SLX4IP: variants seen among roughly 807,000 people sequenced by gnomAD.
SLX4IP encodes protein SLX4IP.
SLX4IP carries 34 observed loss-of-function variants against 32.9 expected under a neutral mutation model. That is an observed-to-expected ratio of 1.03 (90% CI 0.79 to 1.38). The LOEUF is 1.38. Among genes scored for constraint, SLX4IP ranks in the 40% most tolerant of loss-of-function variants. The pLI is 0.00. For missense variants in SLX4IP, 444 were observed against 479.0 expected (o/e 0.93, Z 0.68); for synonymous variants, 172 against 171.7 (o/e 1.00, Z -0.01).
At chr20:10,501,230 G>A (rs545128192) in intron 2 of SLX4IP, among the ~76,000 whole-genome samples, 1 of 152,240 alleles carries the variant, frequency 6.6e-6, no homozygotes, top group East Asian at 1.9e-4. Context: ...GGTGGAGGGA[G>A]TAATAATGAC....
chr20:10,620,923 C>A (rs2067103215), intron 6 of SLX4IP, among the ~76,000 whole-genome samples: 1 of 152,014 alleles, frequency 6.6e-6, no homozygotes, highest in Non-Finnish European at 1.5e-5. Flanking sequence ...GGGTGTAGAC[C>A]ACTGTGTCAC....
intron 2 of SLX4IP, among the ~76,000 whole-genome samples, chr20:10,551,146 C>T (rs1458436499): frequency 1.3e-5 from 2 of 152,280 alleles, no homozygotes; most frequent in East Asian, 3.9e-4. Flanking sequence ...CTCCCACCTC[C>T]GAGGACTTGG....
chr20:10,554,687 G>A (rs1181635461), intron 2 of SLX4IP, among the ~76,000 whole-genome samples: 1 of 152,024 alleles, frequency 6.6e-6, no homozygotes, highest in Non-Finnish European at 1.5e-5. Context: ...TTTGCCTGAT[G>A]ACTAATGATA....
intron 5 of SLX4IP, among the ~76,000 whole-genome samples, chr20:10,601,504 C>T (rs1454651939): frequency 4.6e-5 from 7 of 152,076 alleles, no homozygotes; most frequent in South Asian, 2.1e-4. Flanking sequence ...GTAATGGTCC[C>T]GGGGCGCAGG....
chr20:10,621,452 G>C, intron 7 of SLX4IP, 38 bp downstream of exon 7: 1 of 1,577,294 alleles, frequency 6.3e-7, no homozygotes, highest in Non-Finnish European at 8.7e-7. Context: ...ATTTTTGCCT[G>C]TCTCTATGTA....
chr20:10,491,072 A>T (rs1296165822), intron 2 of SLX4IP, among the ~76,000 whole-genome samples: 1 of 54,950 alleles, frequency 1.8e-5, no homozygotes, highest in African/African-American at 5.8e-5. Context: ...GCTCCACTTT[A>T]AAAAAAAACA....
intron 4 of SLX4IP, among the ~76,000 whole-genome samples, chr20:10,564,964 T>A (rs1012998008): frequency 3.9e-5 from 6 of 152,234 alleles, no homozygotes; most frequent in Admixed American, 2.0e-4. Flanking sequence ...TTTTTATTTA[T>A]CTGTGTGTTT....
intron 1 of SLX4IP, among the ~76,000 whole-genome samples, chr20:10,448,022 A>G (rs2065215045): frequency 1.3e-5 from 2 of 152,056 alleles, no homozygotes; most frequent in African/African-American, 4.8e-5. Context: ...CAGTTTTTTA[A>G]TGTGATGATT....
chr20:10,488,548 A>G (rs1206958454), intron 2 of SLX4IP, among the ~76,000 whole-genome samples: 1 of 152,116 alleles, frequency 6.6e-6, no homozygotes, highest in African/African-American at 2.4e-5. Flanking sequence ...TCAGGAAGCA[A>G]ATACAGCCCT....
chr20:10,561,864 G>A lies in SLX4IP; in HGVS notation c.238+1044G>A, dbSNP rs952254692. ...TTTTATGGCTGAGTAGTATTCCATC[G>A]TGTATGTGTGCCGGACTTACTTCAC... On this transcript the variant is annotated intron_variant, in intron 4 of 7. Transcript: ENST00000334534. Among the ~76,000 whole-genome samples the A allele has an allele frequency of 2.0e-5, 3 of 152,112 alleles. No individual in the cohort carries two copies. The East Asian group carries it at 5.8e-4, about 29-fold the overall frequency.
intron 3 of SLX4IP, among the ~76,000 whole-genome samples, chr20:10,557,613 A>T (rs2066280669): frequency 1.3e-5 from 2 of 152,160 alleles, no homozygotes; most frequent in Admixed American, 1.3e-4. Context: ...TCACCCCAAA[A>T]TCTTCTGACT....
chr20:10,519,237 C>T (rs2122446174), intron 2 of SLX4IP, among the ~76,000 whole-genome samples: 1 of 152,182 alleles, frequency 6.6e-6, no homozygotes, highest in East Asian at 1.9e-4. Flanking sequence ...AAGATTCCTC[C>T]ATGTTAAGTA....
At chr20:10,497,093 T>G (rs1317159039) in intron 2 of SLX4IP, among the ~76,000 whole-genome samples, 2 of 152,202 alleles carry the variant, frequency 1.3e-5, no homozygotes, top group African/African-American at 4.8e-5. Flanking sequence ...TCACTATTGT[T>G]TCAGGTATCC....
At position 10,622,694 on chromosome 20, in the gene SLX4IP, G is replaced by A. The variant is rs757666458; in HGVS notation, c.542G>A (p.Ser181Asn). The change falls in exon 8 of 8, where the codon AGC (serine) becomes AAC (asparagine). Residue 181 changes from serine (S) to asparagine (N), a missense_variant. Transcript: ENST00000334534. The stretch of plus-strand genomic sequence containing the variant: ...ACTGAAACAAAAAGCAGTGTCACGA[G>A]CAAATCGCAGACCAGAAGAGACACT... ...KRTETKSSVT[S>N]KSQTRRDTVE... The A allele has an allele frequency of 9.9e-6, 16 of 1,612,538 alleles. No homozygotes were observed. The East Asian group carries it at 3.6e-4, about 36-fold the overall frequency.
Position 10,623,025 on chromosome 20 carries a change from A to G in SLX4IP, c.873A>G (p.Lys291=). 1 of 1,614,212 alleles carries G rather than the reference A, an allele frequency of 6.2e-7. No individual in the cohort carries two copies. Among genetic ancestry groups the G allele is most frequent in the Non-Finnish European group, 8.5e-7 (1 of 1,180,036 alleles). Reference sequence around the variant, plus strand: ...CAAAACAAAGTCCACGAGTGGCCAAAACCCAACAGAAACGCAGGAACTGCA... The same window carrying G: ...CAAAACAAAGTCCACGAGTGGCCAAGACCCAACAGAAACGCAGGAACTGCA... The part of the protein sequence containing the change: ...PCPKQSPRVA[K]TQQKRRNCSS... The change falls in exon 8 of 8, where the codon AAA becomes AAG. Residue 291 remains lysine (K), a synonymous_variant. Coordinates refer to ENST00000334534, the MANE Select transcript of SLX4IP (RefSeq NM_001009608.3).
intron 4 of SLX4IP, among the ~76,000 whole-genome samples, chr20:10,562,200 C>T (rs1023392483): frequency 5.9e-5 from 9 of 152,214 alleles, no homozygotes; most frequent in African/African-American, 2.2e-4. Flanking sequence ...AGAGGGCTTT[C>T]TGTATCCCGG....
At position 10,623,850 on chromosome 20, in the gene SLX4IP, C is replaced by T. The variant is rs112515449; in HGVS notation, c.*471C>T. 334 of 160,806 alleles carry T rather than the reference C, an allele frequency of 2.1e-3. No homozygotes were observed. Among genetic ancestry groups the T allele is most frequent in the Non-Finnish European group, 3.5e-3 (251 of 72,748 alleles). The allele number at this position is 160,806 out of a possible 1,614,324, so 10.0% of individuals were successfully genotyped here. On this transcript the variant is annotated 3_prime_UTR_variant, in exon 8 of 8. Coordinates refer to ENST00000334534, the MANE Select transcript of SLX4IP (RefSeq NM_001009608.3). ...AAGAACAAGCTAGTGGTTCTTAGCGCGTGGTCCTGGGACCAGCTTCGTTGT... is the reference window on the plus strand; with the variant it reads ...AAGAACAAGCTAGTGGTTCTTAGCGTGTGGTCCTGGGACCAGCTTCGTTGT...
rs773162153 is a variant in SLX4IP, at chr20:10,556,277, G to A, written c.74G>A (p.Gly25Asp). Residue 25 changes from glycine to aspartate, a missense_variant, in exon 3 of 8, where the codon GGT becomes GAT. Physicochemically the swap from Gly to Asp is moderately conservative, Grantham distance 94. Coordinates refer to ENST00000334534, the MANE Select transcript of SLX4IP (RefSeq NM_001009608.3). ...GTGGATCTTCATATCTTGCCACAAG[G>A]TTCAAACAAAGATACAAGCTGGTTT... ...VLVDLHILPQ[G>D]SNKDTSWFSE... The A allele has an allele frequency of 6.2e-7, 1 of 1,613,368 alleles. No homozygotes were observed. Among genetic ancestry groups the A allele is most frequent in the South Asian group, 1.1e-5 (1 of 90,872 alleles).
intron 7 of SLX4IP, 119 bp from the exon 8 acceptor site, chr20:10,622,540 C>A: frequency 2.9e-6 from 4 of 1,392,150 alleles, no homozygotes; most frequent in East Asian, 2.3e-5. Flanking sequence ...GCTGGGGAAG[C>A]GAGAGGGCAG....
Sources: gnomAD v4.1 joint callset for allele counts (sites outside exome capture counted in the v4.1 genomes callset) on GRCh38, gnomAD v4.1.1 for gene constraint, MANE v1.5 for transcripts, NCBI Gene and HGNC (gene_info 2026-07-23, HGNC 2026-07-21) for gene names.